Variants in ZC3H12C observed in about 807,000 individuals in gnomAD.
ZC3H12C encodes zinc finger CCCH-type containing 12C.
Under a neutral mutation model 76.3 loss-of-function variants are expected in ZC3H12C, and 20 were observed. That is an observed-to-expected ratio of 0.26 (90% CI 0.18 to 0.38). ZC3H12C has a LOEUF of 0.38. Ranked by LOEUF, ZC3H12C falls within the 10% of genes least tolerant of loss-of-function variation. The pLI is 1.00. For missense variants in ZC3H12C, 874 were observed against 1,086.5 expected, an observed-to-expected ratio of 0.80 and a Z score of 2.75; for synonymous variants, 352 against 399.6, an observed-to-expected ratio of 0.88 and a Z score of 1.42.
chr11:110,118,080 T>A lies in ZC3H12C; in HGVS notation c.22-18583T>A, dbSNP rs796792112. 9.2e-4 allele frequency among the ~76,000 whole-genome samples: 33 copies of A among 36,002 alleles called. 1 individual carries two copies. The highest frequency in any genetic ancestry group is 1.7e-3 in the Admixed American group (9 of 5,220). The allele number at this position is 36,002 out of a possible 152,430, so 23.6% of individuals were successfully genotyped here. On this transcript the variant is annotated intron_variant, in intron 1 of 5. Coordinates refer to ENST00000278590, the MANE Select transcript of ZC3H12C (RefSeq NM_033390.2). ...ATATATATACACACACACATATATA[T>A]TATATATATACACATACACACACAT...
intron 1 of ZC3H12C, among the ~76,000 whole-genome samples, chr11:110,107,683 A>G (rs1015809091): frequency 6.6e-6 from 1 of 151,564 alleles, no homozygotes; most frequent in Admixed American, 6.6e-5. Flanking sequence ...CCGCCACCAT[A>G]CCTGGCTAAT....
chr11:110,121,365 A>T (rs906987626), intron 1 of ZC3H12C, among the ~76,000 whole-genome samples: 4 of 152,238 alleles, frequency 2.6e-5, no homozygotes, highest in African/African-American at 9.6e-5. Flanking sequence ...CGGCCCCGTT[A>T]GAGCTAACAA....
rs373315500 is a variant in ZC3H12C, at chr11:110,159,270, C to A, written c.928C>A (p.Arg310Ser). Residue 310 changes from arginine (R) to serine (S), a missense_variant, in exon 4 of 6, where the codon CGT (arginine) becomes AGT (serine). Transcript: ENST00000278590. ...TATTCTTGCAGATCAGGAAATTTTA[C>A]GTAAATTAGAGAAGGAGAAAATCCT... ...DALITDQEIL[R>S]KLEKEKILVF... The A allele has an allele frequency of 1.2e-6, 2 of 1,609,512 alleles. No individual in the cohort carries two copies. Among genetic ancestry groups the A allele is most frequent in the Non-Finnish European group, 1.7e-6 (2 of 1,177,606 alleles).
At chr11:110,124,847 T>A (rs1235102097) in intron 1 of ZC3H12C, among the ~76,000 whole-genome samples, 2 of 151,634 alleles carry the variant, frequency 1.3e-5, no homozygotes, top group Non-Finnish European at 2.9e-5. Flanking sequence ...AAGAGTGATG[T>A]CATTGAAAAT....
chr11:110,098,474 G>A (rs1961272), intron 1 of ZC3H12C, among the ~76,000 whole-genome samples: 32,758 of 152,088 alleles, frequency 0.22, 3,743 homozygotes, highest in Middle Eastern at 0.33. Context: ...AGTGTAGAGT[G>A]TTTATGAAAT....
chr11:110,115,569 T>A (rs762773399), intron 1 of ZC3H12C, among the ~76,000 whole-genome samples: 2 of 151,520 alleles, frequency 1.3e-5, no homozygotes, highest in Non-Finnish European at 2.9e-5. Flanking sequence ...TCCCAAAGTG[T>A]TGGGATTACA....
At chr11:110,103,785 A>C (rs1861265388) in intron 1 of ZC3H12C, among the ~76,000 whole-genome samples, 1 of 151,528 alleles carries the variant, frequency 6.6e-6, no homozygotes, top group African/African-American at 2.4e-5. Context: ...TTTGTATTTT[A>C]TTAGAGATGG....
At chr11:110,161,102 C>T (rs566639516) in intron 4 of ZC3H12C, among the ~76,000 whole-genome samples, 2 of 152,264 alleles carry the variant, frequency 1.3e-5, no homozygotes, top group South Asian at 4.2e-4. Flanking sequence ...CCTTGGCCTC[C>T]CAAAATGCTG....
intron 2 of ZC3H12C, among the ~76,000 whole-genome samples, chr11:110,147,594 T>C (rs567501340): frequency 4.0e-5 from 6 of 150,692 alleles, no homozygotes; most frequent in African/African-American, 1.5e-4. Flanking sequence ...TTTCAGCCCA[T>C]GTATCCCAGA....
intron 1 of ZC3H12C, among the ~76,000 whole-genome samples, chr11:110,132,722 T>G (rs2134172806): frequency 6.6e-6 from 1 of 152,256 alleles, no homozygotes; most frequent in South Asian, 2.1e-4. Flanking sequence ...ACTGACCTAC[T>G]TTGTGAAACT....
chr11:110,117,698 T>C (rs1374706311), intron 1 of ZC3H12C, among the ~76,000 whole-genome samples: 12 of 116,374 alleles, frequency 1.0e-4, no homozygotes, highest in South Asian at 5.1e-4. Flanking sequence ...CACACACACA[T>C]ATATATTATA....
chr11:110,123,494 A>G (rs1861686362), intron 1 of ZC3H12C, among the ~76,000 whole-genome samples: 1 of 152,066 alleles, frequency 6.6e-6, no homozygotes, highest in African/African-American at 2.4e-5. Flanking sequence ...GTTTTTGTGG[A>G]TTTATTTTGT....
At chr11:110,117,391 A>T (rs1432611755) in intron 1 of ZC3H12C, among the ~76,000 whole-genome samples, 3 of 152,022 alleles carry the variant, frequency 2.0e-5, no homozygotes, top group African/African-American at 7.2e-5. Flanking sequence ...TAAATCTTTT[A>T]TGTAGGAGAA....
intron 1 of ZC3H12C, among the ~76,000 whole-genome samples, chr11:110,122,731 G>C (rs541945502): frequency 1.1e-4 from 17 of 152,328 alleles, no homozygotes; most frequent in African/African-American, 4.1e-4. Flanking sequence ...TGTTGCCCAA[G>C]TGTAACTTAA....
intron 1 of ZC3H12C, among the ~76,000 whole-genome samples, chr11:110,103,316 A>C (rs1166552521): frequency 1.3e-5 from 2 of 152,232 alleles, no homozygotes; most frequent in African/African-American, 4.8e-5. Context: ...GGTAGTCTTT[A>C]AAGTTTTCAA....
At chr11:110,118,517 C>G (rs1861601280) in intron 1 of ZC3H12C, among the ~76,000 whole-genome samples, 1 of 152,074 alleles carries the variant, frequency 6.6e-6, no homozygotes, top group Non-Finnish European at 1.5e-5. Flanking sequence ...GAAATACAAG[C>G]CGGGCACGGT....
intron 1 of ZC3H12C, among the ~76,000 whole-genome samples, chr11:110,129,361 G>T (rs932725752): frequency 2.6e-5 from 4 of 152,148 alleles, no homozygotes; most frequent in Non-Finnish European, 4.4e-5. Flanking sequence ...AGTGTTTTCA[G>T]TGCGATAACT....
intron 1 of ZC3H12C, among the ~76,000 whole-genome samples, chr11:110,121,574 CTG>C (rs1861651160): frequency 6.8e-6 from 1 of 147,526 alleles, no homozygotes; most frequent in Non-Finnish European, 1.5e-5. Flanking sequence ...GCTAATCTCA[CTG>C]AGTGTTTTCT....
chr11:110,101,547 ATTTTT>A (rs71476066), intron 1 of ZC3H12C, among the ~76,000 whole-genome samples: 4 of 135,440 alleles, frequency 3.0e-5, no homozygotes, highest in East Asian at 2.2e-4. Context: ...AATCAATGCT[ATTTTT>A]TTTTTTTTTT....
Sources: gnomAD v4.1 joint callset for allele counts (sites outside exome capture counted in the v4.1 genomes callset) on GRCh38, gnomAD v4.1.1 for gene constraint, MANE v1.5 for transcripts, NCBI Gene and HGNC (gene_info 2026-07-23, HGNC 2026-07-21) for gene names.